The following SOX5 variants were observed in gnomAD, a reference collection of about 807,000 sequenced individuals.
SOX5 encodes the protein SRY-box transcription factor 5.
In SOX5, 9 loss-of-function variants were observed where a neutral mutation model predicts 92.0. The ratio of observed to expected loss-of-function variants is 0.10; its 90% CI spans 0.06 to 0.17. The LOEUF (loss-of-function observed/expected upper bound fraction) is 0.17. Among genes scored for constraint, SOX5 ranks in the 10% least tolerant of loss-of-function variants. The pLI is 1.00. For synonymous variants in SOX5, 344 were observed against 336.3 expected, an observed-to-expected ratio of 1.02 and a Z score of -0.25; for missense variants, 642 against 944.5, an observed-to-expected ratio of 0.68 and a Z score of 4.20.
intron 4 of SOX5, among the ~76,000 whole-genome samples, chr12:24,143,141 T>A (rs1305183209): frequency 6.6e-6 from 1 of 152,178 alleles, no homozygotes; most frequent in Non-Finnish European, 1.5e-5. Flanking sequence ...TAAATGCTAT[T>A]AATACTTTGG....
At chr12:24,161,698 T>C (rs1418421648) in intron 4 of SOX5, among the ~76,000 whole-genome samples, 1 of 152,106 alleles carries the variant, frequency 6.6e-6, no homozygotes, top group East Asian at 1.9e-4. Context: ...TTAAAAGTCA[T>C]GGCTCATAAT....
At chr12:23,761,455 C>T (rs74069194) in intron 3 of SOX5, among the ~76,000 whole-genome samples, 6,118 of 152,002 alleles carry the variant, frequency 0.04, 385 homozygotes, top group African/African-American at 0.14. Flanking sequence ...AAATATTTGA[C>T]CAAGGAAATT....
chr12:23,536,538 C>T lies in SOX5; in HGVS notation c.1903G>A (p.Val635Met), dbSNP rs769073811. 2 of 1,614,184 alleles carry T rather than the reference C, an allele frequency of 1.2e-6. No homozygotes were observed. The highest frequency in any genetic ancestry group is 1.7e-6 in the Non-Finnish European group (2 of 1,180,024). ...CCAATGCGCAGCTTTTTGCCATCCA[C>T]CAGGCAGGTGCGCTTTGGCCTGGGC... ...YKPRPKRTCLVDGKKLRIGEY... is the reference protein window; with the variant it reads ...YKPRPKRTCLMDGKKLRIGEY... Residue 635 changes from valine (V) to methionine (M), a missense_variant, in exon 14 of 15, where the codon GTG (valine) becomes ATG (methionine). Val to Met is a conservative substitution (Grantham distance 21). Around this residue, in one of 8 missense-constraint regions of SOX5, gnomAD observed 21 missense variants for 52.3 expected, o/e 0.40. Transcript: ENST00000451604.
intron 1 of SOX5, among the ~76,000 whole-genome samples, chr12:23,905,854 A>T (rs1462449007): frequency 6.6e-6 from 1 of 152,182 alleles, no homozygotes; most frequent in Admixed American, 6.5e-5. Context: ...GTTCTACTAA[A>T]AATTCTGCCT....
Position 24,141,881 on chromosome 12 carries a change from C to T in SOX5, c.-2+71462G>A, listed in dbSNP as rs186341790. Among the ~76,000 whole-genome samples the T allele has an allele frequency of 7.9e-5, 12 of 152,054 alleles. No individual in the cohort carries two copies. In the East Asian group the frequency reaches 1.7e-3, roughly 22 times the overall value. On this transcript the variant is annotated intron_variant, in intron 4 of 4. Transcript: ENST00000446891. ...TAAATGCCCCATGTGTTGAATTAATCGCTGGCTGAATCATGTTTATATTCG... is the reference window on the plus strand; with the variant it reads ...TAAATGCCCCATGTGTTGAATTAATTGCTGGCTGAATCATGTTTATATTCG...
At chr12:24,476,658 A>G (rs1270140719) in intron 1 of SOX5, among the ~76,000 whole-genome samples, 1 of 152,076 alleles carries the variant, frequency 6.6e-6, no homozygotes, top group Non-Finnish European at 1.5e-5. Flanking sequence ...TCCCTCTTCC[A>G]AGTTACCACA....
At chr12:23,840,688 T>C (rs1236828359) in intron 3 of SOX5, among the ~76,000 whole-genome samples, 1 of 152,124 alleles carries the variant, frequency 6.6e-6, no homozygotes, top group Non-Finnish European at 1.5e-5. Context: ...CACAAATACG[T>C]TCAATTGATC....
At chr12:24,311,961 C>T (rs769307045) in intron 2 of SOX5, among the ~76,000 whole-genome samples, 3 of 152,054 alleles carry the variant, frequency 2.0e-5, no homozygotes, top group Non-Finnish European at 2.9e-5. Flanking sequence ...AAAAATCAAA[C>T]AAGAGTTTTA....
At chr12:24,104,460 T>G (rs567147213) in intron 4 of SOX5, among the ~76,000 whole-genome samples, 51 of 152,290 alleles carry the variant, frequency 3.3e-4, no homozygotes, top group African/African-American at 1.1e-3. Context: ...TTATACAGAT[T>G]CAATTTGAAA....
At chr12:23,949,873 C>A (rs554426904), upstream of SOX5, among the ~76,000 whole-genome samples, 6 of 148,558 alleles carry the variant, frequency 4.0e-5, no homozygotes, top group African/African-American at 1.5e-4. Context: ...CTTCCAGCAG[C>A]GGAGTCTGGC....
chr12:24,405,482 C>T (rs1962722413), intron 1 of SOX5, among the ~76,000 whole-genome samples: 1 of 152,216 alleles, frequency 6.6e-6, no homozygotes, highest in Non-Finnish European at 1.5e-5. Flanking sequence ...CCCTAGGAAA[C>T]TGGAATGATT....
At chr12:24,128,811 C>T (rs984504415) in intron 4 of SOX5, among the ~76,000 whole-genome samples, 2 of 152,090 alleles carry the variant, frequency 1.3e-5, no homozygotes, top group Non-Finnish European at 2.9e-5. Flanking sequence ...TGATTGATAT[C>T]GTCCTTGGGC....
intron 4 of SOX5, among the ~76,000 whole-genome samples, chr12:24,075,222 T>C (rs1942396916): frequency 7.2e-6 from 1 of 138,136 alleles, no homozygotes; most frequent in African/African-American, 2.7e-5. Context: ...TGAGCTATGA[T>C]ACCATCACTG....
chr12:24,102,315 C>T (rs1946184621), intron 4 of SOX5, among the ~76,000 whole-genome samples: 1 of 152,082 alleles, frequency 6.6e-6, no homozygotes, highest in Non-Finnish European at 1.5e-5. Context: ...TTTCAAATAA[C>T]CAACTAGTAA....
At position 23,530,814 on chromosome 12, in the gene SOX5, TGTGTGC is replaced by T. The variant is rs1302834184; in HGVS notation, c.*3399_*3404del. 36 of 135,352 alleles carry T rather than the reference TGTGTGC, an allele frequency of 2.7e-4. No individual in the cohort carries two copies. The highest frequency in any genetic ancestry group is 8.4e-4 in the African/African-American group (32 of 38,084). 8.4% of individuals were successfully genotyped at this position (135,352 alleles called of 1,614,324 possible). ...GTTGGGGCAAGTGTGTGTGTGTGTG[TGTGTGC>T]GCGCGCGCGCGCGCGCATGTGAGAG... On this transcript the variant is annotated 3_prime_UTR_variant, in exon 15 of 15. Coordinates refer to ENST00000451604, the MANE Select transcript of SOX5 (RefSeq NM_006940.6).
At chr12:23,858,892 C>T (rs1669638352) in intron 2 of SOX5, among the ~76,000 whole-genome samples, 1 of 152,136 alleles carries the variant, frequency 6.6e-6, no homozygotes, top group Admixed American at 6.6e-5. Flanking sequence ...TTTCTTATGC[C>T]TGTCTTTACT....
intron 4 of SOX5, among the ~76,000 whole-genome samples, chr12:24,081,266 G>C (rs1943298905): frequency 6.6e-6 from 1 of 151,862 alleles, no homozygotes; most frequent in South Asian, 2.1e-4. Context: ...GCTAAAATCT[G>C]ACTTCATTTG....
At chr12:23,576,148 G>C (rs1019075112) in intron 9 of SOX5, among the ~76,000 whole-genome samples, 6 of 151,910 alleles carry the variant, frequency 3.9e-5, no homozygotes, top group Non-Finnish European at 8.8e-5. Context: ...CATTTGTATT[G>C]AGAGATATTA....
chr12:24,353,485 T>A (rs899085429), intron 2 of SOX5, among the ~76,000 whole-genome samples: 19 of 152,128 alleles, frequency 1.2e-4, no homozygotes, highest in African/African-American at 4.3e-4. Flanking sequence ...GGAGTTCAGA[T>A]GTTTCTGGGA....
Sources: gnomAD v4.1 joint callset for allele counts (sites outside exome capture counted in the v4.1 genomes callset) on GRCh38, gnomAD v4.1.1 for gene constraint, gnomAD v4.1.1 regional missense constraint, MANE v1.5 for transcripts, NCBI Gene and HGNC (gene_info 2026-07-23, HGNC 2026-07-21) for gene names.